RMDN2: variants seen among roughly 807,000 people sequenced by gnomAD.
RMDN2 encodes the protein regulator of microtubule dynamics 2.
Under a neutral mutation model 52.8 loss-of-function variants are expected in RMDN2, and 61 were observed. That is an observed-to-expected ratio of 1.16 (90% CI 0.94 to 1.43). RMDN2 has a LOEUF of 1.43. Ranked by LOEUF, RMDN2 falls within the 40% of genes most tolerant of loss-of-function variation. The pLI is 0.00. For missense variants in RMDN2, 592 were observed against 475.3 expected (o/e 1.25, Z -2.28); for synonymous variants, 180 against 153.1 (o/e 1.18, Z -1.30).
chr2:38,032,605 C>G (rs756257764), intron 10 of RMDN2, among the ~76,000 whole-genome samples: 1 of 152,110 alleles, frequency 6.6e-6, no homozygotes, highest in Non-Finnish European at 1.5e-5. Flanking sequence ...TTTGGGAGGC[C>G]GAGGCAGGCG....
At chr2:37,985,119 G>A (rs1337075444) in intron 5 of RMDN2, among the ~76,000 whole-genome samples, 1 of 152,076 alleles carries the variant, frequency 6.6e-6, no homozygotes, top group Non-Finnish European at 1.5e-5. Context: ...ATAAATCATG[G>A]GGTTTTTTTT....
chr2:38,001,441 A>C (rs965263877), intron 8 of RMDN2, among the ~76,000 whole-genome samples: 2 of 152,222 alleles, frequency 1.3e-5, no homozygotes, highest in Non-Finnish European at 2.9e-5. Context: ...GAAAGGTCAG[A>C]ATCTGTTTTA....
chr2:38,037,570 C>G (rs1240669920), intron 10 of RMDN2, among the ~76,000 whole-genome samples: 3 of 152,228 alleles, frequency 2.0e-5, no homozygotes, highest in African/African-American at 7.2e-5. Context: ...ACATAGCAAA[C>G]TGCCCCTAAC....
At chr2:37,989,678 A>C in intron 6 of RMDN2, 62 bp downstream of exon 6, 1 of 1,107,586 alleles carries the variant, frequency 9.0e-7, no homozygotes, top group Admixed American at 2.1e-5. Context: ...GGTATTTATT[A>C]ATAATAAAAA....
intron 2 of RMDN2, among the ~76,000 whole-genome samples, chr2:37,954,087 T>C (rs987493001): frequency 6.6e-6 from 1 of 152,022 alleles, no homozygotes; most frequent in African/African-American, 2.4e-5. Context: ...CTTTATATAT[T>C]TTGGATATTA....
At chr2:37,972,286 G>T (rs550553755) in intron 2 of RMDN2, among the ~76,000 whole-genome samples, 16 of 151,964 alleles carry the variant, frequency 1.1e-4, no homozygotes, top group Middle Eastern at 3.4e-3. Flanking sequence ...GCAATAATAA[G>T]AAGATTACAT....
chr2:37,937,348 C>G (rs908856686), intron 2 of RMDN2, among the ~76,000 whole-genome samples: 2 of 152,088 alleles, frequency 1.3e-5, no homozygotes, highest in African/African-American at 2.4e-5. Flanking sequence ...CAGCTTGGTT[C>G]TTTTTGCTTA....
intron 1 of RMDN2, chr2:37,928,775 C>CT (rs1230158029): frequency 6.6e-6 from 1 of 152,226 alleles, no homozygotes; most frequent in Non-Finnish European, 1.5e-5. Context: ...ATCAATTTTT[C>CT]TTTTCTTTTT....
intron 2 of RMDN2, among the ~76,000 whole-genome samples, chr2:37,961,541 G>T (rs180987311): frequency 2.0e-5 from 3 of 151,830 alleles, no homozygotes; most frequent in African/African-American, 7.2e-5. Flanking sequence ...AACTCCATCA[G>T]GTCATTTATG....
rs149653569 is a variant in RMDN2 at position 38,058,815 on chromosome 2, G to A, written c.1714-8167G>A. On this transcript the variant is annotated intron_variant, in intron 10 of 10. Coordinates refer to the RMDN2 transcript ENST00000234195. Reference sequence around the variant, plus strand: ...GGAGATGTTGGCTCCTCTGCCTATGGGAAAAAGCCAGGTCATTGGAAAACG... The same window carrying A: ...GGAGATGTTGGCTCCTCTGCCTATGAGAAAAAGCCAGGTCATTGGAAAACG... Among the ~76,000 whole-genome samples the A allele has an allele frequency of 2.4e-3, 364 of 152,152 alleles. 2 individuals carry two copies. The highest frequency in any genetic ancestry group is 8.5e-3 in the African/African-American group (352 of 41,498).
chr2:37,972,684 C>G (rs1465866558), intron 2 of RMDN2, among the ~76,000 whole-genome samples: 3 of 152,056 alleles, frequency 2.0e-5, no homozygotes, highest in Non-Finnish European at 2.9e-5. Context: ...TTGCAGTAAT[C>G]CAGATGAGAT....
chr2:37,999,488 T>C (rs1676026526), intron 8 of RMDN2, among the ~76,000 whole-genome samples: 2 of 152,144 alleles, frequency 1.3e-5, no homozygotes, highest in East Asian at 1.9e-4. Flanking sequence ...TTACTTAGAC[T>C]TTAGTCTCAA....
At chr2:37,950,535 G>A (rs778413972) in intron 2 of RMDN2, 12 of 1,612,778 alleles carry the variant, frequency 7.4e-6, no homozygotes, top group African/African-American at 2.7e-5. Context: ...TAAGGATGAC[G>A]GCCTAGAAGG....
intron 10 of RMDN2, among the ~76,000 whole-genome samples, chr2:38,047,850 A>T (rs1681368655): frequency 6.6e-6 from 1 of 152,084 alleles, no homozygotes; most frequent in Admixed American, 6.6e-5. Context: ...TTATCATCCC[A>T]ATCTCATTCA....
intron 10 of RMDN2, among the ~76,000 whole-genome samples, chr2:38,042,009 T>G (rs1680983320): frequency 6.6e-6 from 1 of 152,190 alleles, no homozygotes; most frequent in South Asian, 2.1e-4. Flanking sequence ...TACAAGAGAT[T>G]GCAGAAAATT....
chr2:37,980,288 C>T (rs1673127308), intron 4 of RMDN2, among the ~76,000 whole-genome samples: 1 of 152,014 alleles, frequency 6.6e-6, no homozygotes, highest in Non-Finnish European at 1.5e-5. Context: ...AAACCTCTAT[C>T]CAAATTATTA....
chr2:37,925,455 C>T (rs1032209801), intron 1 of RMDN2, 30 bp downstream of exon 1: 4 of 152,522 alleles, frequency 2.6e-5, no homozygotes, highest in Non-Finnish European at 5.9e-5. Flanking sequence ...GGGGGCTGCT[C>T]AGCCGCTGGG....
chr2:37,963,317 C>CTT (rs60052181), intron 2 of RMDN2: 48,732 of 115,426 alleles, frequency 0.42, 10,571 homozygotes, highest in South Asian at 0.54. Flanking sequence ...ACGTGAGTTT[C>CTT]TTTTTTTTTT....
chr2:38,055,211 C>G (rs1681811932), intron 10 of RMDN2, among the ~76,000 whole-genome samples: 2 of 151,930 alleles, frequency 1.3e-5, no homozygotes, highest in Non-Finnish European at 2.9e-5. Context: ...CTCCTTCCCT[C>G]TAAGCCATTG....
Sources: gnomAD v4.1 joint callset for allele counts (sites outside exome capture counted in the v4.1 genomes callset) on GRCh38, gnomAD v4.1.1 for gene constraint, MANE v1.5 for transcripts, NCBI Gene and HGNC (gene_info 2026-07-23, HGNC 2026-07-21) for gene names.